CELF2: variants seen among roughly 807,000 people sequenced by gnomAD.
The protein encoded by CELF2 is CUG triplet repeat RNA-binding protein 2.
CELF2 carries 8 observed loss-of-function variants against 62.6 expected under a neutral mutation model. The ratio of observed to expected loss-of-function variants is 0.13; its 90% CI spans 0.07 to 0.23. CELF2 has a LOEUF of 0.23. Ranked by LOEUF, CELF2 falls within the 10% of genes least tolerant of loss-of-function variation. The pLI is 1.00. For synonymous variants in CELF2, 258 were observed against 250.0 expected, an observed-to-expected ratio of 1.03 and a Z score of -0.30; for missense variants, 333 against 671.0, an observed-to-expected ratio of 0.50 and a Z score of 5.56.
the CELF2 span, among the ~76,000 whole-genome samples, chr10:10,709,176 A>T: frequency 6.6e-6 from 1 of 152,196 alleles, no homozygotes; most frequent in Non-Finnish European, 1.5e-5. Context: ...AAAATAATGT[A>T]TCTGTTTGTT....
At chr10:10,815,753 A>G (rs1045172346) in intron 1 of CELF2, among the ~76,000 whole-genome samples, 3 of 152,256 alleles carry the variant, frequency 2.0e-5, no homozygotes, top group East Asian at 3.9e-4. Flanking sequence ...GTGGATCACC[A>G]TTCAGTAAAT....
the CELF2 span, among the ~76,000 whole-genome samples, chr10:10,565,502 T>A: frequency 6.6e-6 from 1 of 152,232 alleles, no homozygotes; most frequent in Non-Finnish European, 1.5e-5. Flanking sequence ...CCTTAATCTG[T>A]CTAGCCCTAA....
intron 1 of CELF2, among the ~76,000 whole-genome samples, chr10:11,114,204 G>A (rs545186154): frequency 6.6e-6 from 1 of 152,308 alleles, no homozygotes; most frequent in Non-Finnish European, 1.5e-5. Context: ...AGGGCCAGGT[G>A]CTCAGAACAT....
At chr10:10,879,642 C>A (rs1208913840) in intron 1 of CELF2, among the ~76,000 whole-genome samples, 1 of 152,230 alleles carries the variant, frequency 6.6e-6, no homozygotes, top group Non-Finnish European at 1.5e-5. Flanking sequence ...TCATTTAACA[C>A]TGAGTTAAGA....
At chr10:10,525,362 T>G in the CELF2 span, among the ~76,000 whole-genome samples, 4 of 152,258 alleles carry the variant, frequency 2.6e-5, no homozygotes, top group South Asian at 8.3e-4. Flanking sequence ...TGATGAGATT[T>G]TTTTGCAATT....
At chr10:10,624,340 A>G in the CELF2 span, among the ~76,000 whole-genome samples, 2 of 152,204 alleles carry the variant, frequency 1.3e-5, no homozygotes, top group Admixed American at 6.5e-5. Context: ...TCTTTGTTCC[A>G]GAACACGTGA....
chr10:10,716,166 C>G, the CELF2 span, among the ~76,000 whole-genome samples: 1 of 152,178 alleles, frequency 6.6e-6, no homozygotes, highest in African/African-American at 2.4e-5. Context: ...CCATTTTGAT[C>G]AATGATATTC....
At chr10:11,192,926 G>A (rs886828572) in intron 2 of CELF2, among the ~76,000 whole-genome samples, 8 of 152,170 alleles carry the variant, frequency 5.3e-5, no homozygotes, top group Admixed American at 4.6e-4. Context: ...TGGACGTTGC[G>A]AGAGTGCTCT....
intron 1 of CELF2, among the ~76,000 whole-genome samples, chr10:11,096,677 G>T (rs1186273062): frequency 6.6e-6 from 1 of 152,130 alleles, no homozygotes; most frequent in Non-Finnish European, 1.5e-5. Context: ...TGACCGAAAT[G>T]ACAAAACCAA....
intron 3 of CELF2, among the ~76,000 whole-genome samples, chr10:11,233,444 A>T (rs1212020214): frequency 6.6e-6 from 1 of 152,178 alleles, no homozygotes; most frequent in African/African-American, 2.4e-5. Context: ...CAGTGATCCC[A>T]GGCTTCCGCT....
In CELF2 at chr10:11,302,259, A is replaced by G. The variant is rs144359927; in HGVS notation, c.977-11880A>G. ...TCTCATGCCTCAGAATCAAGTTTTC[A>G]CCCAGTCGTGATGGAATTTGACAGC... On this transcript the variant is annotated intron_variant, in intron 9 of 12. Transcript: ENST00000633077. The surrounding 1 kb of genome is among the most constrained non-coding windows in gnomAD (Gnocchi z 5.0). Among the ~76,000 whole-genome samples the G allele has an allele frequency of 2.2e-3, 331 of 152,056 alleles. 2 individuals are homozygous for G. The highest frequency in any genetic ancestry group is 7.7e-3 in the African/African-American group (318 of 41,466).
the CELF2 span, among the ~76,000 whole-genome samples, chr10:10,645,171 T>A: frequency 6.6e-6 from 1 of 152,104 alleles, no homozygotes; most frequent in African/African-American, 2.4e-5. Context: ...TTGGCAAGAT[T>A]GAATCCCCCC....
chr10:11,165,728 G>A lies in CELF2; in HGVS notation c.271+46G>A, dbSNP rs754142541. The A allele has an allele frequency of 9.1e-6, 14 of 1,543,670 alleles. No homozygotes were observed. The African/African-American group carries it at 1.4e-4, about 15-fold the overall frequency. ...GTCGCCAGGCGTCCAGGTGGGCGTC[G>A]CGGGGCACTGGGGCTGTCCGAGCCC... On this transcript the variant is annotated intron_variant, in intron 2 of 12. Coordinates refer to ENST00000633077, the MANE Select transcript of CELF2 (RefSeq NM_001326342.2). The surrounding 1 kb of genome is among the most constrained non-coding windows in gnomAD (Gnocchi z 7.4).
chr10:11,060,915 A>G (rs2066572043), intron 1 of CELF2, among the ~76,000 whole-genome samples: 1 of 152,220 alleles, frequency 6.6e-6, no homozygotes, highest in South Asian at 2.1e-4. Context: ...AAGTGCTGCC[A>G]TTCTCTGTCT....
chr10:10,601,299 T>G, the CELF2 span, among the ~76,000 whole-genome samples: 1 of 152,184 alleles, frequency 6.6e-6, no homozygotes, highest in Non-Finnish European at 1.5e-5. Flanking sequence ...TTAAAGTCAT[T>G]GTTGCAGTGG....
rs2132483905 is a variant in CELF2, at chr10:11,324,789, C to T, written c.1295-1047C>T. On this transcript the variant is annotated intron_variant, in intron 11 of 12. Coordinates refer to ENST00000633077, the MANE Select transcript of CELF2 (RefSeq NM_001326342.2). The surrounding 1 kb of genome is among the most constrained non-coding windows in gnomAD (Gnocchi z 4.7). ...ACACCCTTCCCACATCTAGGGACCCCAGTGCAGCTATCCCCTGGGGTTGCC... is the reference window on the plus strand; with the variant it reads ...ACACCCTTCCCACATCTAGGGACCCTAGTGCAGCTATCCCCTGGGGTTGCC... 1.3e-5 allele frequency among the ~76,000 whole-genome samples: 2 copies of T among 152,302 alleles called. No homozygotes were observed. The highest frequency in any genetic ancestry group is 4.2e-4 in the South Asian group (2 of 4,816).
the CELF2 span, among the ~76,000 whole-genome samples, chr10:10,563,152 G>A: frequency 3.9e-5 from 6 of 151,998 alleles, no homozygotes; most frequent in Admixed American, 1.3e-4. Flanking sequence ...AGCCATCTGG[G>A]GAGAAAGAAA....
intron 1 of CELF2, among the ~76,000 whole-genome samples, chr10:11,042,298 A>G (rs1021668997): frequency 6.6e-6 from 1 of 152,352 alleles, no homozygotes; most frequent in East Asian, 1.9e-4. Context: ...GGGCAGTCAA[A>G]GGTTAGAGTT....
chr10:10,808,253 A>G (rs1195968019), intron 1 of CELF2, among the ~76,000 whole-genome samples: 2 of 152,248 alleles, frequency 1.3e-5, no homozygotes, highest in African/African-American at 2.4e-5. Context: ...CACAAAGGGC[A>G]TTGACAAATT....
Sources: allele counts gnomAD v4.1 joint callset (sites outside exome capture counted in the v4.1 genomes callset), GRCh38; gene constraint gnomAD v4.1.1; non-coding constraint Gnocchi (gnomAD v3.1); transcripts MANE v1.5; gene names NCBI Gene and HGNC (gene_info 2026-07-23, HGNC 2026-07-21).